The following MAST4 variants were observed in gnomAD, a reference collection of about 807,000 sequenced individuals.
The protein encoded by MAST4 is microtubule-associated serine/threonine-protein kinase 4.
MAST4 carries 89 observed loss-of-function variants against 162.7 expected under a neutral mutation model. That is an observed-to-expected ratio of 0.55 (90% confidence interval 0.46 to 0.65). The LOEUF (loss-of-function observed/expected upper bound fraction) is 0.65, where lower values mean the gene tolerates loss of function less well. Ranked by LOEUF, MAST4 falls within the 30% of genes least tolerant of loss-of-function variation. The pLI is 0.00. For synonymous variants in MAST4, 1,479 were observed against 1,361.1 expected (o/e 1.09, Z -1.91); for missense variants, 3,153 against 3,374.0 (o/e 0.93, Z 1.62).
chr5:66,956,043 G>A (rs982929300), intron 4 of MAST4, among the ~76,000 whole-genome samples: 2 of 150,864 alleles, frequency 1.3e-5, no homozygotes, highest in Non-Finnish European at 2.9e-5. Flanking sequence ...TGCTGGTCTC[G>A]AGCTCCTGGC....
intron 2 of MAST4, among the ~76,000 whole-genome samples, chr5:66,780,113 C>T (rs1029689448): frequency 6.6e-6 from 1 of 152,092 alleles, no homozygotes; most frequent in East Asian, 1.9e-4. Context: ...ACTATTTTTA[C>T]ATGTATAATT....
intron 1 of MAST4, among the ~76,000 whole-genome samples, chr5:66,716,487 A>T (rs1469707171): frequency 1.3e-5 from 2 of 152,012 alleles, no homozygotes; most frequent in Non-Finnish European, 2.9e-5. Flanking sequence ...CTGGGACTAC[A>T]GGTGTACATC....
intron 17 of MAST4, among the ~76,000 whole-genome samples, chr5:67,133,946 A>G (rs930950271): frequency 4.6e-5 from 7 of 152,188 alleles, no homozygotes; most frequent in Non-Finnish European, 7.4e-5. Context: ...TAAGGAATTC[A>G]GGAGTCTCAG....
chr5:66,676,571 AAAGTCTTAATAGAGAGC>A (rs1047631943), intron 1 of MAST4, among the ~76,000 whole-genome samples: 1 of 152,202 alleles, frequency 6.6e-6, no homozygotes. Flanking sequence ...GCTGGAAGAG[AAAGTCTTAATAGAGAGC>A]AATATGAGAC....
chr5:67,084,683 G>C (rs1180706637), intron 5 of MAST4, among the ~76,000 whole-genome samples: 1 of 152,018 alleles, frequency 6.6e-6, no homozygotes, highest in Non-Finnish European at 1.5e-5. Context: ...TCTGCCTATT[G>C]TTATACTCCA....
chr5:66,612,512 C>CT (rs1265080762), intron 1 of MAST4, among the ~76,000 whole-genome samples: 19 of 151,978 alleles, frequency 1.3e-4, no homozygotes, highest in African/African-American at 4.1e-4. Context: ...TTGCAAAGGG[C>CT]GTAGGAGTTG....
intron 2 of MAST4, among the ~76,000 whole-genome samples, chr5:66,779,563 C>A (rs895973860): frequency 5.9e-5 from 9 of 152,088 alleles, no homozygotes; most frequent in Non-Finnish European, 8.8e-5. Context: ...TACGGTCATT[C>A]TTTTGCAGTG....
intron 4 of MAST4, among the ~76,000 whole-genome samples, chr5:67,020,261 C>G (rs895545350): frequency 4.6e-5 from 7 of 152,138 alleles, no homozygotes; most frequent in African/African-American, 7.2e-5. Context: ...GGATGGTGTA[C>G]TAGCTGGTCA....
chr5:66,615,073 G>C (rs978717474), intron 1 of MAST4, among the ~76,000 whole-genome samples: 1 of 152,196 alleles, frequency 6.6e-6, no homozygotes, highest in Admixed American at 6.5e-5. Context: ...TGAAGTTGAG[G>C]CTCCTCTCAG....
chr5:66,674,657 C>G (rs962592380), intron 1 of MAST4, among the ~76,000 whole-genome samples: 4 of 152,162 alleles, frequency 2.6e-5, no homozygotes, highest in African/African-American at 9.7e-5. Context: ...AATTGCTGAG[C>G]TTACAACTGA....
rs549134944 is a variant in MAST4, at chr5:66,627,140, C to T, written c.363+30122C>T. Among the ~76,000 whole-genome samples the T allele has an allele frequency of 4.6e-5, 7 of 152,074 alleles. No individual in the cohort carries two copies. In the East Asian group the frequency reaches 7.7e-4, roughly 17 times the overall value. On this transcript the variant is annotated intron_variant, in intron 1 of 28. Coordinates refer to ENST00000403625, the MANE Select transcript of MAST4 (RefSeq NM_001164664.2). ...GGCCTTAGGAAACTTACAATTTGGGCGGAAGGGGAAGCAAACATGTCCTTC... is the reference window on the plus strand; with the variant it reads ...GGCCTTAGGAAACTTACAATTTGGGTGGAAGGGGAAGCAAACATGTCCTTC...
At chr5:67,050,889 G>A (rs1273839337) in intron 4 of MAST4, among the ~76,000 whole-genome samples, 2 of 152,202 alleles carry the variant, frequency 1.3e-5, no homozygotes, top group African/African-American at 4.8e-5. Flanking sequence ...GTCTCATGTT[G>A]GGCTTTCACG....
chr5:67,118,103 A>G (rs1358130762), intron 12 of MAST4, among the ~76,000 whole-genome samples: 2 of 152,236 alleles, frequency 1.3e-5, no homozygotes, highest in African/African-American at 4.8e-5. Context: ...CTTGAAGTTA[A>G]AAGGTCAGTC....
intron 18 of MAST4, among the ~76,000 whole-genome samples, chr5:67,136,040 G>A (rs1473875437): frequency 6.6e-6 from 1 of 151,726 alleles, no homozygotes; most frequent in African/African-American, 2.4e-5. Flanking sequence ...TTGTTTGTTT[G>A]TTTGTTTGTT....
chr5:66,821,570 A>G (rs1437715122), intron 3 of MAST4, among the ~76,000 whole-genome samples: 2 of 152,236 alleles, frequency 1.3e-5, no homozygotes, highest in Non-Finnish European at 2.9e-5. Context: ...GTAGCCATTA[A>G]TAACAGCAGG....
chr5:66,613,659 T>G (rs1743446744), intron 1 of MAST4, among the ~76,000 whole-genome samples: 1 of 152,164 alleles, frequency 6.6e-6, no homozygotes, highest in African/African-American at 2.4e-5. Flanking sequence ...GCTGTTTGGC[T>G]GTTCTCAGCA....
chr5:66,908,226 A>G (rs1763514844), intron 4 of MAST4, among the ~76,000 whole-genome samples: 1 of 152,236 alleles, frequency 6.6e-6, no homozygotes, highest in Admixed American at 6.5e-5. Context: ...CTTATCACAC[A>G]TGCATTTGTC....
At chr5:67,147,912 A>G (rs1771300593) in intron 23 of MAST4, among the ~76,000 whole-genome samples, 1 of 152,208 alleles carries the variant, frequency 6.6e-6, no homozygotes, top group African/African-American at 2.4e-5. Flanking sequence ...TTTCCTGTAC[A>G]TATGCACAGT....
chr5:66,964,735 G>A (rs148235490), intron 4 of MAST4, among the ~76,000 whole-genome samples: 4,472 of 152,278 alleles, frequency 0.029, 230 homozygotes, highest in African/African-American at 0.1. Context: ...CTCGGGAGGC[G>A]GAGCTTGCAG....
Sources: allele counts gnomAD v4.1 joint callset (sites outside exome capture counted in the v4.1 genomes callset), GRCh38; gene constraint gnomAD v4.1.1; transcripts MANE v1.5; gene names NCBI Gene and HGNC (gene_info 2026-07-23, HGNC 2026-07-21).